Variants in PGM2L1 observed in about 807,000 individuals in gnomAD.
The protein encoded by PGM2L1 is phosphoglucomutase 2 like 1.
In PGM2L1, 35 loss-of-function variants were observed where a neutral mutation model predicts 73.4. The ratio of observed to expected loss-of-function variants is 0.48; its 90% CI spans 0.36 to 0.63. The LOEUF is 0.63. Ranked by LOEUF, PGM2L1 falls within the 30% of genes least tolerant of loss-of-function variation. The pLI is 0.00. For synonymous variants in PGM2L1, 225 were observed against 253.8 expected (o/e 0.89, Z 1.08); for missense variants, 570 against 742.0 (o/e 0.77, Z 2.69).
At chr11:74,377,130 T>A (rs994449759) in intron 1 of PGM2L1, among the ~76,000 whole-genome samples, 26 of 149,656 alleles carry the variant, frequency 1.7e-4, no homozygotes, top group African/African-American at 6.1e-4. Flanking sequence ...TTATCATTAT[T>A]ATTATTTCTT....
At chr11:74,388,544 C>T (rs1863047225) in intron 1 of PGM2L1, among the ~76,000 whole-genome samples, 1 of 151,892 alleles carries the variant, frequency 6.6e-6, no homozygotes, top group African/African-American at 2.4e-5. Flanking sequence ...GAGAAAATGA[C>T]GTGAAAAAAT....
At chr11:74,391,653 T>G (rs1863103425) in intron 1 of PGM2L1, among the ~76,000 whole-genome samples, 1 of 152,222 alleles carries the variant, frequency 6.6e-6, no homozygotes, top group Non-Finnish European at 1.5e-5. Flanking sequence ...GTTCCCTGAC[T>G]TAACTCAGTT....
rs76727256 is a variant in PGM2L1, at chr11:74,397,638, C to T, written c.111+413G>A. On this transcript the variant is annotated intron_variant, in intron 1 of 13. Transcript: ENST00000298198. ...AACTAAAGCGGATAGCGGTTAGAAA[C>T]GCCCAGTAAGGGTGCCAGAAACCAC... 2.4e-3 allele frequency: 370 copies of T among 155,840 alleles called. 1 individual carries two copies. The highest frequency in any genetic ancestry group is 4.2e-3 in the Non-Finnish European group (296 of 70,882). 9.7% of individuals were successfully genotyped at this position (155,840 alleles called of 1,614,324 possible). A position where few individuals can be genotyped will look rare whatever the true frequency, so the allele number is the denominator to read the frequency against.
At chr11:74,354,572 T>C in intron 5 of PGM2L1, 2 of 1,134,184 alleles carry the variant, frequency 1.8e-6, no homozygotes, top group South Asian at 2.5e-5. Flanking sequence ...ACGAACTGTG[T>C]GGTAATGAAA....
intron 5 of PGM2L1, among the ~76,000 whole-genome samples, chr11:74,352,599 G>C (rs12270344): frequency 1.3e-5 from 2 of 152,160 alleles, no homozygotes; most frequent in African/African-American, 4.8e-5. Context: ...CTGAATGAAG[G>C]AAAGAAGAAT....
At chr11:74,394,506 T>A (rs1244997949) in intron 1 of PGM2L1, among the ~76,000 whole-genome samples, 1 of 152,156 alleles carries the variant, frequency 6.6e-6, no homozygotes, top group Non-Finnish European at 1.5e-5. Context: ...TAAACACCTG[T>A]CTTGTTGCAT....
At chr11:74,355,522 C>G (rs945272471) in intron 5 of PGM2L1, 2 of 299,652 alleles carry the variant, frequency 6.7e-6, no homozygotes, top group Non-Finnish European at 1.2e-5. Context: ...CCACTGCACT[C>G]CAGCCTGGGC....
chr11:74,388,236 A>G (rs1863043643), intron 1 of PGM2L1, among the ~76,000 whole-genome samples: 1 of 152,220 alleles, frequency 6.6e-6, no homozygotes, highest in Non-Finnish European at 1.5e-5. Flanking sequence ...TATGCTGTGC[A>G]GCACTGTACC....
At chr11:74,339,168 G>A (rs766977936) in intron 12 of PGM2L1, among the ~76,000 whole-genome samples, 3 of 152,138 alleles carry the variant, frequency 2.0e-5, no homozygotes, top group Non-Finnish European at 2.9e-5. Context: ...AGAAGCGGAA[G>A]CCAAGTTCCA....
intron 1 of PGM2L1, among the ~76,000 whole-genome samples, chr11:74,392,367 T>C (rs1286574747): frequency 6.6e-6 from 1 of 151,998 alleles, no homozygotes; most frequent in African/African-American, 2.4e-5. Context: ...GAATTTGAAT[T>C]CTAAAAAGAA....
intron 2 of PGM2L1, among the ~76,000 whole-genome samples, chr11:74,373,606 A>T (rs1047717579): frequency 2.6e-5 from 4 of 152,264 alleles, no homozygotes; most frequent in African/African-American, 9.6e-5. Flanking sequence ...GGAGAGAAGT[A>T]ACACAAATTA....
At chr11:74,355,195 A>T in intron 5 of PGM2L1, 2 of 1,435,964 alleles carry the variant, frequency 1.4e-6, no homozygotes, top group South Asian at 2.3e-5. Flanking sequence ...TTTGGTAATG[A>T]TGGAAGCAAT....
intron 2 of PGM2L1, 81 bp downstream of exon 2, chr11:74,374,334 A>C (rs1430566759): frequency 8.1e-7 from 1 of 1,229,312 alleles, no homozygotes; most frequent in Non-Finnish European, 1.1e-6. Flanking sequence ...TGCCCGCCTC[A>C]GCCTCCCAAA....
chr11:74,359,893 A>G (rs1862527791), intron 5 of PGM2L1, among the ~76,000 whole-genome samples: 1 of 152,198 alleles, frequency 6.6e-6, no homozygotes, highest in African/African-American at 2.4e-5. Context: ...AGGAAAAAAT[A>G]TCTTTGAGGG....
chr11:74,342,566 A>T lies in PGM2L1; in HGVS notation c.1527T>A (p.Asn509Lys). Reference protein sequence around the residue: ...TIKSIFERLRNFDSPKEYPKF... With the variant: ...TIKSIFERLRKFDSPKEYPKF... ...TTGGATATTCTTTTGGAGAATCAAA[A>T]TTACGAAGCCTTTCAAATATACTTT... The change falls in exon 12 of 14, where the codon AAT becomes AAA. Residue 509 changes from asparagine to lysine, a missense_variant. Coordinates refer to ENST00000298198, the MANE Select transcript of PGM2L1 (RefSeq NM_173582.6). 6.2e-7 allele frequency: 1 copy of T among 1,608,760 alleles called. No homozygotes were observed. The highest frequency in any genetic ancestry group is 8.5e-7 in the Non-Finnish European group (1 of 1,176,488).
At chr11:74,375,204 G>A (rs759978226) in intron 1 of PGM2L1, among the ~76,000 whole-genome samples, 1 of 152,200 alleles carries the variant, frequency 6.6e-6, no homozygotes, top group Non-Finnish European at 1.5e-5. Context: ...TATGTGTTAA[G>A]TGTGAATTTA....
At chr11:74,391,757 T>G (rs1162289712) in intron 1 of PGM2L1, among the ~76,000 whole-genome samples, 2 of 152,226 alleles carry the variant, frequency 1.3e-5, no homozygotes, top group African/African-American at 4.8e-5. Context: ...CAATAGATTT[T>G]TAGCCGCTGG....
chr11:74,350,593 T>C (rs1395322889), intron 6 of PGM2L1, among the ~76,000 whole-genome samples: 1 of 152,130 alleles, frequency 6.6e-6, no homozygotes, highest in Non-Finnish European at 1.5e-5. Flanking sequence ...AAAGAAACTC[T>C]AGGCTGGGCA....
intron 1 of PGM2L1, among the ~76,000 whole-genome samples, chr11:74,385,151 C>T (rs1442332953): frequency 3.9e-5 from 6 of 152,116 alleles, no homozygotes; most frequent in Non-Finnish European, 8.8e-5. Flanking sequence ...CTGTTTTTTC[C>T]AGTTGTTGGA....
Sources: allele counts gnomAD v4.1 joint callset (sites outside exome capture counted in the v4.1 genomes callset), GRCh38; gene constraint gnomAD v4.1.1; transcripts MANE v1.5; gene names NCBI Gene and HGNC (gene_info 2026-07-23, HGNC 2026-07-21).